Variants in STAC observed in about 807,000 individuals in gnomAD.
STAC encodes SH3 and cysteine rich domain.
In STAC, 43 loss-of-function variants were observed where a neutral mutation model predicts 48.8. The observed-to-expected ratio is 0.88, with a 90% CI of 0.69 to 1.14. The LOEUF is 1.14. Among genes scored for constraint, STAC ranks in the 50% most tolerant of loss-of-function variants. STAC has a pLI of 0.00. For missense variants in STAC, 497 were observed against 504.0 expected, an observed-to-expected ratio of 0.99 and a Z score of 0.13; for synonymous variants, 193 against 179.5, an observed-to-expected ratio of 1.07 and a Z score of -0.60.
chr3:36,532,746 T>A (rs1699101566), intron 10 of STAC, among the ~76,000 whole-genome samples: 2 of 152,192 alleles, frequency 1.3e-5, no homozygotes, highest in Admixed American at 1.3e-4. Flanking sequence ...GATGACCTGT[T>A]TTGGGGTCTG....
At chr3:36,432,471 G>A (rs1700728822) in intron 1 of STAC, among the ~76,000 whole-genome samples, 1 of 152,188 alleles carries the variant, frequency 6.6e-6, no homozygotes, top group African/African-American at 2.4e-5. Context: ...GGAGGCCGAG[G>A]CAGGTGGATC....
At chr3:36,385,542 T>C (rs555525792) in intron 1 of STAC, among the ~76,000 whole-genome samples, 26 of 150,788 alleles carry the variant, frequency 1.7e-4, no homozygotes, top group African/African-American at 6.0e-4. Context: ...AAACTGCACA[T>C]ATTAAAAGTT....
rs1553640698 is a variant in STAC, at chr3:36,504,511, G to T, written c.831+54G>T. ...CAGACAGGAGTCCTTAGATAGACCT[G>T]CAGGTCACCATCCAAGTGGGTCATG... is the stretch of plus-strand genomic sequence containing the variant. On this transcript the variant is annotated intron_variant, in intron 7 of 10. Coordinates refer to ENST00000273183, the MANE Select transcript of STAC (RefSeq NM_003149.3). 1.7e-5 allele frequency: 26 copies of T among 1,518,094 alleles called. No homozygotes were observed. The South Asian group carries it at 2.8e-4, about 16-fold the overall frequency. The allele number at this position is 1,518,094 out of a possible 1,614,324, so 94.0% of individuals were successfully genotyped here.
chr3:36,537,599 C>A (rs1303462842), intron 10 of STAC, among the ~76,000 whole-genome samples: 1 of 151,930 alleles, frequency 6.6e-6, no homozygotes, highest in Non-Finnish European at 1.5e-5. Flanking sequence ...ATATAATGCA[C>A]GTGGGCTTAA....
intron 1 of STAC, among the ~76,000 whole-genome samples, chr3:36,414,075 T>C (rs916746023): frequency 6.6e-6 from 1 of 152,222 alleles, no homozygotes; most frequent in Non-Finnish European, 1.5e-5. Flanking sequence ...CCTTTGTGGG[T>C]AACCCGACCT....
intron 1 of STAC, among the ~76,000 whole-genome samples, chr3:36,437,371 C>A (rs1475267262): frequency 6.6e-6 from 1 of 151,736 alleles, no homozygotes; most frequent in Non-Finnish European, 1.5e-5. Flanking sequence ...GACTTGGAAC[C>A]AACCAAAATG....
chr3:36,478,708 A>C (rs1183235709), intron 2 of STAC, among the ~76,000 whole-genome samples: 1 of 152,024 alleles, frequency 6.6e-6, no homozygotes, highest in Non-Finnish European at 1.5e-5. Context: ...GGCTGGTTTC[A>C]AACTCCTGAC....
At chr3:36,486,852 G>A (rs1575233672) in intron 5 of STAC, among the ~76,000 whole-genome samples, 2 of 152,170 alleles carry the variant, frequency 1.3e-5, no homozygotes, top group Non-Finnish European at 1.5e-5. Context: ...GTCTCTGGTT[G>A]TTTCAATCAG....
Position 36,380,613 on chromosome 3 carries a change from G to A in STAC, c.-31G>A, listed in dbSNP as rs762353509. 1.3e-6 allele frequency: 2 copies of A among 1,518,882 alleles called. No homozygotes were observed. The highest frequency in any genetic ancestry group is 2.4e-5 in the East Asian group (1 of 41,308). 94.1% of individuals were successfully genotyped at this position (1,518,882 alleles called of 1,614,324 possible). ...AGGACAGAAGCCTCGCTGTTCCTCC[G>A]GGAGCCCAACACCGTTCCCGCGCGG... On this transcript the variant is annotated 5_prime_UTR_variant, in exon 1 of 11. Coordinates refer to ENST00000273183, the MANE Select transcript of STAC (RefSeq NM_003149.3).
chr3:36,383,388 A>G lies in STAC; in HGVS notation c.111+2634A>G, dbSNP rs377002109. Among the ~76,000 whole-genome samples the G allele has an allele frequency of 1.4e-4, 22 of 152,328 alleles. No individual in the cohort carries two copies. The South Asian group carries it at 4.3e-3, about 30-fold the overall frequency. On this transcript the variant is annotated intron_variant, in intron 1 of 10. Transcript: ENST00000273183. ...CACAAAAGTAGAGAAAACAGTATAAAGAACTGTCATGGACCTAATCATGTG... is the reference window on the plus strand; with the variant it reads ...CACAAAAGTAGAGAAAACAGTATAAGGAACTGTCATGGACCTAATCATGTG...
intron 1 of STAC, among the ~76,000 whole-genome samples, chr3:36,386,458 T>C (rs1000378892): frequency 6.8e-6 from 1 of 147,680 alleles, no homozygotes; most frequent in Admixed American, 6.8e-5. Context: ...CCTAATTTAA[T>C]GTAGTCTAAT....
chr3:36,423,136 T>C (rs553646593), intron 1 of STAC, among the ~76,000 whole-genome samples: 4 of 152,138 alleles, frequency 2.6e-5, no homozygotes, highest in African/African-American at 9.6e-5. Context: ...ACCATAGCCA[T>C]AGTGCAGCCA....
chr3:36,403,711 TC>T (rs2125629108), intron 1 of STAC, among the ~76,000 whole-genome samples: 1 of 152,202 alleles, frequency 6.6e-6, no homozygotes, highest in South Asian at 2.1e-4. Flanking sequence ...CCTTAATATT[TC>T]CAGAAATTAA....
At chr3:36,460,999 T>C (rs55725146) in intron 2 of STAC, among the ~76,000 whole-genome samples, 20,655 of 152,122 alleles carry the variant, frequency 0.14, 1,576 homozygotes, top group African/African-American at 0.21. Context: ...TGAGGAAATA[T>C]GAGTAAGCAA....
intron 1 of STAC, among the ~76,000 whole-genome samples, chr3:36,404,236 T>C (rs1469180197): frequency 1.3e-5 from 2 of 152,200 alleles, no homozygotes; most frequent in East Asian, 3.8e-4. Flanking sequence ...AATAAATATG[T>C]AAGCTCAAGT....
At chr3:36,391,190 G>T (rs1456080305) in intron 1 of STAC, among the ~76,000 whole-genome samples, 1 of 152,128 alleles carries the variant, frequency 6.6e-6, no homozygotes, top group Non-Finnish European at 1.5e-5. Flanking sequence ...CCAAAAGAAA[G>T]GATCCCTTGC....
At chr3:36,543,562 G>A (rs1486998666) in intron 10 of STAC, among the ~76,000 whole-genome samples, 1 of 152,112 alleles carries the variant, frequency 6.6e-6, no homozygotes, top group Non-Finnish European at 1.5e-5. Context: ...ACAGCCTCTA[G>A]CAAGCAATGT....
chr3:36,399,900 A>T (rs1442623291), intron 1 of STAC, among the ~76,000 whole-genome samples: 1 of 152,194 alleles, frequency 6.6e-6, no homozygotes, highest in Non-Finnish European at 1.5e-5. Flanking sequence ...TAATTCTACG[A>T]CTTAGGCAGC....
chr3:36,454,058 C>CA (rs1234608774), intron 2 of STAC, among the ~76,000 whole-genome samples: 3 of 152,070 alleles, frequency 2.0e-5, no homozygotes, highest in Non-Finnish European at 1.5e-5. Flanking sequence ...CAAAACAGAC[C>CA]CTCTGGGCTC....
Sources: allele counts gnomAD v4.1 joint callset (sites outside exome capture counted in the v4.1 genomes callset), GRCh38; gene constraint gnomAD v4.1.1; transcripts MANE v1.5; gene names NCBI Gene and HGNC (gene_info 2026-07-23, HGNC 2026-07-21).